The following GNB1L variants were observed in gnomAD, a reference collection of about 807,000 sequenced individuals.
The protein encoded by GNB1L is guanine nucleotide-binding protein subunit beta-like protein 1.
A neutral mutation model predicts 29.1 loss-of-function variants in GNB1L; 20 were observed. That is an observed-to-expected ratio of 0.69 (90% CI 0.48 to 1.00). The LOEUF is 1.00. GNB1L is among the 50% of genes least tolerant of loss of function. The probability of loss-of-function intolerance (pLI) is 0.00; values close to 1 mark genes in which losing one functional copy is unlikely to be tolerated. For synonymous variants in GNB1L, 193 were observed against 206.5 expected (o/e 0.93, Z 0.56); for missense variants, 421 against 464.9 (o/e 0.91, Z 0.87).
intron 2 of GNB1L, among the ~76,000 whole-genome samples, chr22:19,839,094 G>A (rs1030943645): frequency 1.3e-5 from 2 of 152,142 alleles, no homozygotes; most frequent in African/African-American, 4.8e-5. Context: ...AAAAGTATAG[G>A]TACAGAGGAC....
intron 7 of GNB1L, among the ~76,000 whole-genome samples, chr22:19,796,334 G>C (rs17209798): frequency 0.11 from 17,437 of 152,250 alleles, 1,586 homozygotes; most frequent in East Asian, 0.45. Flanking sequence ...GTGACCTGCA[G>C]GATGACTTAA....
At chr22:19,814,249 A>C (rs1474498294) in intron 4 of GNB1L, among the ~76,000 whole-genome samples, 1 of 152,182 alleles carries the variant, frequency 6.6e-6, no homozygotes, top group East Asian at 1.9e-4. Flanking sequence ...ATACCCCAGT[A>C]ATAACAGGTG....
chr22:19,849,150 C>T, intron 2 of GNB1L: 1 of 985,392 alleles, frequency 1.0e-6, no homozygotes, highest in Non-Finnish European at 1.2e-6. Flanking sequence ...AAATGGGTTT[C>T]TTCTGCCAGC....
chr22:19,840,809 C>CAA (rs146369509), intron 2 of GNB1L, among the ~76,000 whole-genome samples: 8 of 125,836 alleles, frequency 6.4e-5, no homozygotes, highest in Admixed American at 1.7e-4. Flanking sequence ...AACTCCGTCT[C>CAA]AAAAAAAAAA....
At chr22:19,796,617 T>C (rs1937309193) in intron 7 of GNB1L, among the ~76,000 whole-genome samples, 1 of 151,858 alleles carries the variant, frequency 6.6e-6, no homozygotes, top group Non-Finnish European at 1.5e-5. Flanking sequence ...CAAATAAAAA[T>C]GGGGTCTTTG....
At chr22:19,851,804 C>G in intron 2 of GNB1L, 1 of 1,614,098 alleles carries the variant, frequency 6.2e-7, no homozygotes. Flanking sequence ...GGGGGCTGCC[C>G]AGGCCTGGGC....
At position 19,812,374 on chromosome 22, in the gene GNB1L, A is replaced by G; in HGVS notation, c.328T>C (p.Leu110=). ...GRSAVVDSVC[L]ESVGFCRSSI... is the part of the protein sequence containing the mutation. ...CTCCGGCAGAAGCCCACACTCTCCA[A>G]GCACACGGAGTCCACGACAGCGCTC... is the stretch of plus-strand genomic sequence containing the variant. Residue 110 remains leucine, a synonymous_variant, in exon 5 of 8, where the codon TTG becomes CTG. Coordinates refer to ENST00000329517, the MANE Select transcript of GNB1L (RefSeq NM_053004.3). 6.2e-7 allele frequency: 1 copy of G among 1,613,398 alleles called. No homozygotes were observed. Among genetic ancestry groups the G allele is most frequent in the Non-Finnish European group, 8.5e-7 (1 of 1,179,972 alleles).
chr22:19,844,179 G>A lies in GNB1L; in HGVS notation c.-21+10264C>T, dbSNP rs150340263. On this transcript the variant is annotated intron_variant, in intron 2 of 7. Transcript: ENST00000329517. ...CCCCCTTCCAGATAGGCCCTGCTGC[G>A]TGTGAGGGAGGGTCCCAGAGATCAG... Among the ~76,000 whole-genome samples, 147 of 152,358 alleles carry A rather than the reference G, an allele frequency of 9.6e-4. 1 individual carries two copies. In the East Asian group the frequency reaches 0.018, roughly 18 times the overall value.
chr22:19,845,975 C>T (rs1937950754), intron 2 of GNB1L, among the ~76,000 whole-genome samples: 1 of 152,218 alleles, frequency 6.6e-6, no homozygotes, highest in African/African-American at 2.4e-5. Context: ...GACCAGAGAG[C>T]AGGCGGGTAG....
intron 2 of GNB1L, chr22:19,846,808 C>A: frequency 3.0e-6 from 2 of 659,910 alleles, no homozygotes; most frequent in Non-Finnish European, 3.8e-6. Flanking sequence ...GAGAAACCAA[C>A]CCTGCCCACA....
In GNB1L at chr22:19,804,034, C is replaced by G. The variant is rs141974872; in HGVS notation, c.517-1818G>C. Among the ~76,000 whole-genome samples, 6 of 152,252 alleles carry G rather than the reference C, an allele frequency of 3.9e-5. No homozygotes were observed. In the East Asian group the frequency reaches 1.2e-3, roughly 29 times the overall value. On this transcript the variant is annotated intron_variant, in intron 6 of 7. Transcript: ENST00000329517. ...CTGTGTGTGTGACTGACCCGCCTGT[C>G]GTGGTGCCACAGGGTGGCTGGAGCA...
intron 7 of GNB1L, among the ~76,000 whole-genome samples, chr22:19,795,449 G>A (rs1006332773): frequency 3.9e-5 from 6 of 152,122 alleles, no homozygotes; most frequent in Non-Finnish European, 8.8e-5. Context: ...CCACAACTGC[G>A]GAACACACGC....
At chr22:19,792,817 G>A (rs564639809) in intron 7 of GNB1L, 325 of 1,291,096 alleles carry the variant, frequency 2.5e-4, no homozygotes, top group Middle Eastern at 2.6e-4. Flanking sequence ...GCCTTGTGTC[G>A]TAAAATGGGG....
At chr22:19,826,706 A>C (rs1937622146) in intron 2 of GNB1L, among the ~76,000 whole-genome samples, 1 of 152,238 alleles carries the variant, frequency 6.6e-6, no homozygotes, top group Non-Finnish European at 1.5e-5. Context: ...GTGTATCTTC[A>C]ATGGAGACAT....
At chr22:19,822,761 G>A (rs1349195633) in intron 2 of GNB1L, among the ~76,000 whole-genome samples, 1 of 152,226 alleles carries the variant, frequency 6.6e-6, no homozygotes, top group Non-Finnish European at 1.5e-5. Context: ...CTTCAGAAGG[G>A]GCTGGGTGGT....
chr22:19,844,153 G>A (rs1048007371), intron 2 of GNB1L, among the ~76,000 whole-genome samples: 3 of 152,312 alleles, frequency 2.0e-5, no homozygotes, highest in Admixed American at 6.5e-5. Context: ...GGTCTGTGCC[G>A]CCCCCTTCCA....
intron 2 of GNB1L, among the ~76,000 whole-genome samples, chr22:19,832,809 A>C (rs1937702214): frequency 6.6e-6 from 1 of 152,154 alleles, no homozygotes; most frequent in Non-Finnish European, 1.5e-5. Flanking sequence ...GAATAAATAC[A>C]CAGAAGCCTC....
intron 2 of GNB1L, chr22:19,851,723 T>C (rs751798382): frequency 1.9e-6 from 3 of 1,605,162 alleles, no homozygotes; most frequent in African/African-American, 2.7e-5. Flanking sequence ...GTTCGGGTCT[T>C]GAACAACTTC....
chr22:19,820,802 T>C (rs188043218), intron 3 of GNB1L, 79 bp from the exon 4 acceptor site: 125 of 1,501,952 alleles, frequency 8.3e-5, no homozygotes, highest in Admixed American at 3.3e-4. Context: ...GGAGGCCACA[T>C]TGTGGGATGC....
Sources: allele counts gnomAD v4.1 joint callset (sites outside exome capture counted in the v4.1 genomes callset), GRCh38; gene constraint gnomAD v4.1.1; transcripts MANE v1.5; gene names NCBI Gene and HGNC (gene_info 2026-07-23, HGNC 2026-07-21).